Variants in UTP4 observed in about 807,000 individuals in gnomAD.
UTP4 encodes UTP4 small subunit processome component, also known as U3 small nucleolar RNA-associated protein 4 homolog.
A neutral mutation model predicts 82.4 loss-of-function variants in UTP4; 45 were observed. That is an observed-to-expected ratio of 0.55 (90% CI 0.43 to 0.70). The LOEUF is 0.70. Among genes scored for constraint, UTP4 ranks in the 30% least tolerant of loss-of-function variants. The pLI, the probability that UTP4 is intolerant of heterozygous loss-of-function variation, is 0.00. For synonymous variants in UTP4, 348 were observed against 300.3 expected (o/e 1.16, Z -1.64); for missense variants, 819 against 858.3 (o/e 0.95, Z 0.57).
chr16:69,165,768 C>A, intron 15 of UTP4: 1 of 599,176 alleles, frequency 1.7e-6, no homozygotes, highest in Non-Finnish European at 3.0e-6. Context: ...CTGGCTTTTG[C>A]TGATTTGACT....
chr16:69,132,649 G>A lies in UTP4; in HGVS notation c.-43G>A. ...GCGCGCGCGCACGTGGGGCCGGGGC[G>A]GAGAGAGGCGAGCACCGGGAAGGGG... is the stretch of plus-strand genomic sequence containing the variant. On this transcript the variant is annotated 5_prime_UTR_variant, in exon 1 of 17. Coordinates refer to ENST00000314423, the MANE Select transcript of UTP4 (RefSeq NM_032830.3). The A allele has an allele frequency of 2.7e-6, 1 of 368,058 alleles. No homozygotes were observed. Among genetic ancestry groups the A allele is most frequent in the Non-Finnish European group, 5.3e-6 (1 of 188,824 alleles). The allele number at this position is 368,058 out of a possible 1,614,324, so 22.8% of individuals were successfully genotyped here. A position where few individuals can be genotyped will look rare whatever the true frequency, so the allele number is the denominator to read the frequency against.
At chr16:69,133,665 C>T (rs1438535516) in intron 2 of UTP4, 47 bp downstream of exon 2, 1 of 1,589,288 alleles carries the variant, frequency 6.3e-7, no homozygotes, top group Non-Finnish European at 8.6e-7. Flanking sequence ...TTAATTTCTT[C>T]TGAAGTTCAA....
At chr16:69,150,392 C>A in intron 6 of UTP4, 145 bp from the exon 7 acceptor site, 1 of 923,412 alleles carries the variant, frequency 1.1e-6, no homozygotes, top group Non-Finnish European at 1.8e-6. Context: ...TCCTTAGCTT[C>A]TGGAAGGAAA....
intron 12 of UTP4, among the ~76,000 whole-genome samples, chr16:69,158,265 C>G (rs567260170): frequency 4.0e-5 from 6 of 149,362 alleles, no homozygotes; most frequent in Non-Finnish European, 8.9e-5. Flanking sequence ...TCACCCTCCC[C>G]AGGCTCAGAA....
At chr16:69,168,423 G>A (rs1462126629) in intron 16 of UTP4, among the ~76,000 whole-genome samples, 5 of 91,988 alleles carry the variant, frequency 5.4e-5, no homozygotes, top group African/African-American at 1.5e-4. Context: ...GCGGCAGAGC[G>A]AGACTGTCTC....
chr16:69,141,483 AT>A lies in UTP4; in HGVS notation c.526+1578del, dbSNP rs540770304. Among the ~76,000 whole-genome samples the A allele has an allele frequency of 4.6e-5, 7 of 150,778 alleles. No homozygotes were observed. In the South Asian group the frequency reaches 6.3e-4, roughly 14 times the overall value. ...TATCCCTTTGTGTAGGACCTGTTTT[AT>A]TTTTTTTTCCCCCAGGAGCTTTTAG... On this transcript the variant is annotated intron_variant, in intron 5 of 16. Transcript: ENST00000314423.
At chr16:69,136,609 G>A in intron 2 of UTP4, 87 bp from the exon 3 acceptor site, 1 of 1,301,498 alleles carries the variant, frequency 7.7e-7, no homozygotes, top group Non-Finnish European at 1.1e-6. Flanking sequence ...TTATGGGGAA[G>A]TTGTTTTTAC....
At chr16:69,156,444 G>A (rs1171733261) in intron 11 of UTP4, among the ~76,000 whole-genome samples, 5 of 140,230 alleles carry the variant, frequency 3.6e-5, no homozygotes, top group South Asian at 2.3e-4. Context: ...CATTACAGGC[G>A]TGAGCCACCG....
chr16:69,147,995 C>T (rs1206511588), intron 6 of UTP4, among the ~76,000 whole-genome samples: 1 of 152,092 alleles, frequency 6.6e-6, no homozygotes, highest in Non-Finnish European at 1.5e-5. Flanking sequence ...GCTCTGTCGC[C>T]TAGGCTGGAG....
At chr16:69,151,348 A>T (rs1597143740) in intron 8 of UTP4, among the ~76,000 whole-genome samples, 2 of 129,992 alleles carry the variant, frequency 1.5e-5, no homozygotes, top group African/African-American at 3.0e-5. Context: ...TTTGAGACTG[A>T]GTCTCTCTCT....
Position 69,165,425 on chromosome 16 carries a change from C to T in UTP4, c.1732C>T (p.Gln578Ter), listed in dbSNP as rs1316607976. The T allele has an allele frequency of 6.2e-7, 1 of 1,614,052 alleles. No individual in the cohort carries two copies. Among genetic ancestry groups the T allele is most frequent in the Non-Finnish European group, 8.5e-7 (1 of 1,179,974 alleles). Residue 578 changes from glutamine (Q) to a stop codon, truncating the protein, a stop_gained, in exon 15 of 17, where the codon CAA becomes TAA. Transcript: ENST00000314423. LOFTEE classifies it high-confidence loss of function. ...QKQGFHHLWL[Q>*]RDTPITHISF... is the part of the protein sequence containing the mutation. ...GCAGGGCTTTCACCACCTTTGGCTC[C>T]AAAGGGATACTCCTATCACACACAT...
Position 69,150,714 on chromosome 16 carries a change from T to A in UTP4, c.910+6T>A, listed in dbSNP as rs768518494. On this transcript the variant is annotated splice_donor_region_variant and intron_variant, in intron 7 of 16. Coordinates refer to ENST00000314423, the MANE Select transcript of UTP4 (RefSeq NM_032830.3). ...AACAGCGCTGATATCTGGAGGTGGG[T>A]TCCCCCTCTGGTGAGGCTGCTGCTT... 1.9e-5 allele frequency: 30 copies of A among 1,614,038 alleles called. No individual in the cohort carries two copies. In the South Asian group the frequency reaches 3.2e-4, roughly 17 times the overall value.
chr16:69,135,236 G>T (rs1962781758), intron 2 of UTP4, among the ~76,000 whole-genome samples: 1 of 152,042 alleles, frequency 6.6e-6, no homozygotes, highest in African/African-American at 2.4e-5. Context: ...TTTCTTGAAT[G>T]GATAAGTCAA....
intron 13 of UTP4, among the ~76,000 whole-genome samples, chr16:69,160,717 C>T (rs1455346898): frequency 6.6e-6 from 1 of 151,602 alleles, no homozygotes; most frequent in African/African-American, 2.4e-5. Flanking sequence ...CTGTCTCAGC[C>T]TCCTGAGTAG....
At chr16:69,135,135 C>G (rs1340284772) in intron 2 of UTP4, among the ~76,000 whole-genome samples, 1 of 151,638 alleles carries the variant, frequency 6.6e-6, no homozygotes, top group Non-Finnish European at 1.5e-5. Flanking sequence ...GCTGAACTTC[C>G]AATTTTATGA....
intron 8 of UTP4, 104 bp downstream of exon 8, chr16:69,151,008 AC>A: frequency 1.2e-6 from 1 of 831,916 alleles, no homozygotes; most frequent in Non-Finnish European, 1.9e-6. Flanking sequence ...AATTTGTAGG[AC>A]TTTTTTTTTT....
chr16:69,156,081 A>C, intron 11 of UTP4, 88 bp downstream of exon 11: 1 of 1,325,732 alleles, frequency 7.5e-7, no homozygotes, highest in South Asian at 1.2e-5. Context: ...CTGGATGTGA[A>C]TCCTTGCTCA....
At position 69,165,507 on chromosome 16, in the gene UTP4, G is replaced by C. The variant is rs1474290556; in HGVS notation, c.1814G>C (p.Cys605Ser). 1 of 1,614,042 alleles carries C rather than the reference G, an allele frequency of 6.2e-7. No homozygotes were observed. Reference protein sequence around the residue: ...HILLHDAYMFCIIDKSLPLPN... With the variant: ...HILLHDAYMFSIIDKSLPLPN... ...CTTCTCCATGATGCCTACATGTTCTGCATCATTGACAAGTCATTGGTGAGT... is the reference window on the plus strand; with the variant it reads ...CTTCTCCATGATGCCTACATGTTCTCCATCATTGACAAGTCATTGGTGAGT... The change falls in exon 15 of 17, where the codon TGC (cysteine) becomes TCC (serine). Residue 605 changes from cysteine to serine, a missense_variant. Physicochemically the swap from Cys to Ser is moderately radical, Grantham distance 112 (BLOSUM62 -1). Coordinates refer to ENST00000314423, the MANE Select transcript of UTP4 (RefSeq NM_032830.3).
At chr16:69,156,154 C>CT (rs36043898) in intron 11 of UTP4, among the ~76,000 whole-genome samples, 161 bp downstream of exon 11, 6,769 of 130,408 alleles carry the variant, frequency 0.052, 243 homozygotes, top group Non-Finnish European at 0.069. Flanking sequence ...TTCTTTCTTT[C>CT]TTTTTTTTTT....
Sources: gnomAD v4.1 joint callset for allele counts (sites outside exome capture counted in the v4.1 genomes callset) on GRCh38, gnomAD v4.1.1 for gene constraint, MANE v1.5 for transcripts, NCBI Gene and HGNC (gene_info 2026-07-23, HGNC 2026-07-21) for gene names.